The following SUGCT variants were observed in gnomAD, a reference collection of about 807,000 sequenced individuals.
The protein encoded by SUGCT is succinyl-CoA:glutarate-CoA transferase.
A neutral mutation model predicts 55.0 loss-of-function variants in SUGCT; 41 were observed. That is an observed-to-expected ratio of 0.74 (90% confidence interval 0.58 to 0.97). The LOEUF (loss-of-function observed/expected upper bound fraction) is 0.97, where lower values mean the gene tolerates loss of function less well. Among genes scored for constraint, SUGCT ranks in the 50% least tolerant of loss-of-function variants. SUGCT has a pLI of 0.00. For synonymous variants in SUGCT, 187 were observed against 200.4 expected, an observed-to-expected ratio of 0.93 and a Z score of 0.56; for missense variants, 568 against 547.8, an observed-to-expected ratio of 1.04 and a Z score of -0.37.
chr7:40,931,699 T>C, the SUGCT span, among the ~76,000 whole-genome samples: 1 of 152,196 alleles, frequency 6.6e-6, no homozygotes, highest in Non-Finnish European at 1.5e-5. Context: ...GATTTTCTAG[T>C]TTATTTGCAT....
the SUGCT span, among the ~76,000 whole-genome samples, chr7:41,022,372 G>A: frequency 6.6e-6 from 1 of 152,118 alleles, no homozygotes; most frequent in Non-Finnish European, 1.5e-5. Context: ...ACTCAGGAGA[G>A]AAAGCAAAAG....
intron 12 of SUGCT, among the ~76,000 whole-genome samples, chr7:40,729,358 A>C (rs1786775452): frequency 6.6e-6 from 1 of 152,224 alleles, no homozygotes; most frequent in Non-Finnish European, 1.5e-5. Flanking sequence ...TTGGAAACCA[A>C]CATCATAAAT....
the SUGCT span, among the ~76,000 whole-genome samples, chr7:40,993,166 C>T: frequency 3.5e-4 from 53 of 152,156 alleles, no homozygotes; most frequent in African/African-American, 1.2e-3. Context: ...GTTTGTGGAC[C>T]TCTTGGGTTA....
intron 12 of SUGCT, among the ~76,000 whole-genome samples, chr7:40,621,625 G>A (rs982980141): frequency 2.0e-5 from 3 of 152,154 alleles, no homozygotes; most frequent in African/African-American, 7.2e-5. Flanking sequence ...GGAGAAATCC[G>A]GTGATAAAAG....
intron 10 of SUGCT, among the ~76,000 whole-genome samples, chr7:40,455,338 A>C (rs1025414362): frequency 6.6e-6 from 1 of 152,226 alleles, no homozygotes; most frequent in East Asian, 1.9e-4. Flanking sequence ...GATCTAAGTC[A>C]TTCAAAAATA....
At chr7:40,916,720 T>C in the SUGCT span, among the ~76,000 whole-genome samples, 1 of 152,342 alleles carries the variant, frequency 6.6e-6, no homozygotes, top group East Asian at 1.9e-4. Flanking sequence ...TATGTATGTG[T>C]ACAGAAAAGA....
chr7:40,999,811 T>C, the SUGCT span, among the ~76,000 whole-genome samples: 1 of 152,170 alleles, frequency 6.6e-6, no homozygotes, highest in Non-Finnish European at 1.5e-5. Flanking sequence ...AATTTAACAA[T>C]TACATTTGAC....
At chr7:40,615,700 C>G (rs976839255) in intron 12 of SUGCT, among the ~76,000 whole-genome samples, 6 of 152,108 alleles carry the variant, frequency 3.9e-5, no homozygotes, top group African/African-American at 1.4e-4. Context: ...TGTGGTTATT[C>G]AATTGTTTAG....
At chr7:40,763,886 C>G (rs1215756326) in intron 13 of SUGCT, among the ~76,000 whole-genome samples, 1 of 152,086 alleles carries the variant, frequency 6.6e-6, no homozygotes, top group Non-Finnish European at 1.5e-5. Flanking sequence ...TGTGGAATGT[C>G]CCAGGAAGGG....
intron 9 of SUGCT, among the ~76,000 whole-genome samples, chr7:40,370,907 A>G (rs912897803): frequency 6.6e-6 from 1 of 152,088 alleles, no homozygotes; most frequent in East Asian, 1.9e-4. Flanking sequence ...TTGAATACCT[A>G]TGGTGTCTCA....
At chr7:41,001,051 G>A in the SUGCT span, among the ~76,000 whole-genome samples, 1 of 152,212 alleles carries the variant, frequency 6.6e-6, no homozygotes, top group Admixed American at 6.5e-5. Flanking sequence ...TGACAGACAA[G>A]TCGGGAGTGG....
chr7:40,628,968 C>G (rs113469363), intron 12 of SUGCT, among the ~76,000 whole-genome samples: 3 of 152,070 alleles, frequency 2.0e-5, no homozygotes, highest in African/African-American at 7.2e-5. Flanking sequence ...TCTCAAACTC[C>G]TGACCTCAGG....
chr7:40,188,531 T>C lies in SUGCT; in HGVS notation c.263T>C (p.Phe88Ser). The change falls in exon 4 of 14, where the codon TTT becomes TCT. Residue 88 changes from phenylalanine (F) to serine (S), a missense_variant. Transcript: ENST00000335693. ...GATACACGAACTTGGGGGCCACCTT[T>C]TGTTGGGACAGAAAGTACATATTAT... ...GDDTRTWGPP[F>S]VGTESTYYLS... is the part of the protein sequence containing the mutation. 6.2e-7 allele frequency: 1 copy of C among 1,610,858 alleles called. No homozygotes were observed. Among genetic ancestry groups the C allele is most frequent in the Non-Finnish European group, 8.5e-7 (1 of 1,178,942 alleles).
intron 8 of SUGCT, among the ~76,000 whole-genome samples, chr7:40,289,405 A>G (rs1432911643): frequency 6.6e-6 from 1 of 152,144 alleles, no homozygotes; most frequent in African/African-American, 2.4e-5. Flanking sequence ...ATATGGTAAA[A>G]TATTTGAATA....
chr7:40,419,828 G>GA (rs769051939), intron 9 of SUGCT, among the ~76,000 whole-genome samples: 12 of 152,098 alleles, frequency 7.9e-5, no homozygotes, highest in Non-Finnish European at 1.6e-4. Context: ...TTAATAAAAA[G>GA]AAAAAAACTT....
intron 12 of SUGCT, among the ~76,000 whole-genome samples, chr7:40,524,095 A>C (rs1313688197): frequency 6.6e-6 from 1 of 152,114 alleles, no homozygotes; most frequent in African/African-American, 2.4e-5. Context: ...TGGCAGTTAA[A>C]AAAAATGTTT....
In SUGCT at chr7:40,414,519, G is replaced by A. The variant is rs576955848; in HGVS notation, c.817-34768G>A. On this transcript the variant is annotated intron_variant, in intron 9 of 13. Transcript: ENST00000335693. Reference sequence around the variant, plus strand: ...ATTGCTAGACTTATTTCCAAAAATAGCAGTCATTCACATTTTTAACAACAA... The same window carrying A: ...ATTGCTAGACTTATTTCCAAAAATAACAGTCATTCACATTTTTAACAACAA... Among the ~76,000 whole-genome samples the A allele has an allele frequency of 1.6e-3, 241 of 152,232 alleles. 1 individual carries two copies. The highest frequency in any genetic ancestry group is 5.5e-3 in the African/African-American group (228 of 41,534).
At chr7:40,336,060 G>A (rs564934529) in intron 9 of SUGCT, among the ~76,000 whole-genome samples, 11 of 152,064 alleles carry the variant, frequency 7.2e-5, no homozygotes, top group Admixed American at 5.9e-4. Context: ...TTATTGATTT[G>A]CATATGTTGA....
chr7:40,950,465 T>A, the SUGCT span, among the ~76,000 whole-genome samples: 1 of 152,218 alleles, frequency 6.6e-6, no homozygotes, highest in Non-Finnish European at 1.5e-5. Context: ...TCCTGCCTGA[T>A]TACCCAGGCC....
Sources: gnomAD v4.1 joint callset for allele counts (sites outside exome capture counted in the v4.1 genomes callset) on GRCh38, gnomAD v4.1.1 for gene constraint, MANE v1.5 for transcripts, NCBI Gene and HGNC (gene_info 2026-07-23, HGNC 2026-07-21) for gene names.